Variants in PCDHA9 observed in about 807,000 individuals in gnomAD.
PCDHA9 encodes the protein protocadherin alpha 9, also known as protocadherin alpha-9.
In PCDHA9, 62 loss-of-function variants were observed where a neutral mutation model predicts 62.0. That is an observed-to-expected ratio of 1.00 (90% confidence interval 0.81 to 1.23). The LOEUF (loss-of-function observed/expected upper bound fraction) is 1.23. PCDHA9 is among the 50% of genes most tolerant of loss of function. The probability of loss-of-function intolerance (pLI) is 0.00; values close to 1 mark genes in which losing one functional copy is unlikely to be tolerated. For missense variants in PCDHA9, 1,205 were observed against 1,249.8 expected (o/e 0.96, Z 0.54); for synonymous variants, 557 against 567.6 (o/e 0.98, Z 0.27).
At chr5:141,000,393 C>CTATAAATATA (rs1563650230) in intron 3 of PCDHA9, among the ~76,000 whole-genome samples, 1 of 52,856 alleles carries the variant, frequency 1.9e-5, no homozygotes, top group African/African-American at 9.2e-5. Flanking sequence ...CTCTCTCTCT[C>CTATAAATATA]TCTATATATA....
Position 140,856,423 on chromosome 5 carries a change from T to C in PCDHA9, c.2394+5534T>C, listed in dbSNP as rs1266159746. 5 of 1,598,178 alleles carry C rather than the reference T, an allele frequency of 3.1e-6. 1 individual carries two copies. In the African/African-American group the frequency reaches 4.0e-5, roughly 13 times the overall value. On this transcript the variant is annotated intron_variant, in intron 1 of 3. Transcript: ENST00000532602. ...ATGTGGACGTGGAAGTGAAGGACAT[T>C]AACGACAACCCGCCCAGGTTCTCCG...
intron 1 of PCDHA9, chr5:140,858,779 C>T (rs771428982): frequency 5.0e-6 from 2 of 403,886 alleles, no homozygotes; most frequent in Non-Finnish European, 9.0e-6. Flanking sequence ...ATTAGTACTT[C>T]ATGTTATTTC....
At chr5:140,863,444 G>T in intron 1 of PCDHA9, 4 of 585,532 alleles carry the variant, frequency 6.8e-6, no homozygotes, top group South Asian at 1.4e-5. Flanking sequence ...GGTCTTACTC[G>T]CAGCAAAGGA....
intron 1 of PCDHA9, among the ~76,000 whole-genome samples, chr5:140,913,854 A>G: frequency 6.6e-6 from 1 of 152,128 alleles, no homozygotes; most frequent in Middle Eastern, 3.2e-3. Context: ...ATTCAGGAGC[A>G]TATTGTTTAA....
chr5:140,856,036 A>T (rs1554148102), intron 1 of PCDHA9: 1 of 1,567,408 alleles, frequency 6.4e-7, no homozygotes, highest in African/African-American at 1.4e-5. Context: ...TTGTAAAACA[A>T]GAGAAGGATA....
intron 1 of PCDHA9, chr5:140,875,958 C>T (rs1312300687): frequency 1.2e-6 from 2 of 1,613,962 alleles, no homozygotes; most frequent in Admixed American, 3.3e-5. Context: ...ATGCGGATAT[C>T]GGCGTAAACT....
Position 141,010,239 on chromosome 5 carries a change from G to A in PCDHA9, c.*302G>A. ...AGGCTTCCCAGCCCCGCCAGTGAGA[G>A]GTTGGACTCTCTGCCCTGTGCTCCG... On this transcript the variant is annotated 3_prime_UTR_variant, in exon 4 of 4. Transcript: ENST00000532602. 1 of 1,551,938 alleles carries A rather than the reference G, an allele frequency of 6.4e-7. No homozygotes were observed. Among genetic ancestry groups the A allele is most frequent in the Non-Finnish European group, 8.7e-7 (1 of 1,147,044 alleles).
intron 1 of PCDHA9, chr5:140,863,175 C>T (rs1562576204): frequency 1.4e-6 from 1 of 718,568 alleles, no homozygotes; most frequent in South Asian, 1.3e-5. Context: ...CGCTGACTGC[C>T]ACCGTCACCG....
At chr5:140,967,141 G>T in intron 1 of PCDHA9, 2 of 1,611,258 alleles carry the variant, frequency 1.2e-6, no homozygotes, top group South Asian at 1.1e-5. Flanking sequence ...AAGTGCTGGC[G>T]CACAACCCCG....
rs1412430465 is a variant in PCDHA9 at position 141,010,516 on chromosome 5, A to C, written c.*579A>C. On this transcript the variant is annotated 3_prime_UTR_variant, in exon 4 of 4. Transcript: ENST00000532602. ...CCAGACTTTCTAAATCTTACAACTC[A>C]AGAGGTGGCAGCCACCCTCTAGGAG... 4.2e-6 allele frequency: 2 copies of C among 477,698 alleles called. No individual in the cohort carries two copies. The highest frequency in any genetic ancestry group is 7.8e-5 in the Admixed American group (2 of 25,754). The allele number at this position is 477,698 out of a possible 1,614,324, so 29.6% of individuals were successfully genotyped here.
chr5:140,872,756 A>G (rs987230878), intron 1 of PCDHA9, among the ~76,000 whole-genome samples: 1 of 152,342 alleles, frequency 6.6e-6, no homozygotes, highest in East Asian at 1.9e-4. Context: ...AAAGACATGC[A>G]TATAGGGCTA....
chr5:140,938,977 A>C (rs1205824371), intron 1 of PCDHA9, among the ~76,000 whole-genome samples: 1 of 152,190 alleles, frequency 6.6e-6, no homozygotes, highest in Admixed American at 6.5e-5. Flanking sequence ...CATCAAGGCT[A>C]TCCTGGCTTT....
chr5:141,003,406 G>A (rs2098122557), intron 3 of PCDHA9, among the ~76,000 whole-genome samples: 1 of 152,134 alleles, frequency 6.6e-6, no homozygotes, highest in African/African-American at 2.4e-5. Flanking sequence ...CCGCCTCCCG[G>A]GTTCGAGTGA....
intron 1 of PCDHA9, chr5:140,927,172 G>T: frequency 1.2e-6 from 2 of 1,614,152 alleles, no homozygotes; most frequent in Non-Finnish European, 1.7e-6. Flanking sequence ...AGCTGCCTGC[G>T]TCTTGACCTA....
Position 141,010,021 on chromosome 5 carries a change from T to C in PCDHA9, c.*84T>C. 1 of 1,572,108 alleles carries C rather than the reference T, an allele frequency of 6.4e-7. No individual in the cohort carries two copies. The highest frequency in any genetic ancestry group is 1.9e-5 in the Admixed American group (1 of 52,756). On this transcript the variant is annotated 3_prime_UTR_variant, in exon 4 of 4. Coordinates refer to ENST00000532602, the MANE Select transcript of PCDHA9 (RefSeq NM_031857.2). ...CATGTAGCAATTCCCTGCTCCTTTTTCCTATCTACATGAGCCCTCTTAGAG... is the reference window on the plus strand; with the variant it reads ...CATGTAGCAATTCCCTGCTCCTTTTCCCTATCTACATGAGCCCTCTTAGAG...
intron 1 of PCDHA9, among the ~76,000 whole-genome samples, chr5:140,909,761 TC>T (rs1308608657): frequency 1.3e-5 from 2 of 152,052 alleles, no homozygotes; most frequent in Admixed American, 6.5e-5. Context: ...ACAGGATGAG[TC>T]CAGGGACCCA....
chr5:140,850,319 A>C lies in PCDHA9; in HGVS notation c.1824A>C (p.Ser608=), dbSNP rs2150479368. The C allele has an allele frequency of 6.3e-7, 1 of 1,597,562 alleles. No individual in the cohort carries two copies. The highest frequency in any genetic ancestry group is 2.2e-5 in the East Asian group (1 of 44,822). ...DADSGYNAWL[S]YELQPETASA... The stretch of plus-strand genomic sequence containing the variant: ...ACTCGGGCTACAACGCGTGGCTTTC[A>C]TACGAGCTGCAGCCAGAAACGGCCA... The change falls in exon 1 of 4, where the codon TCA becomes TCC. Residue 608 remains serine (S), a synonymous_variant. Coordinates refer to ENST00000532602, the MANE Select transcript of PCDHA9 (RefSeq NM_031857.2).
At position 140,877,496 on chromosome 5, in the gene PCDHA9, C is replaced by T. The variant is rs563591404; in HGVS notation, c.2394+26607C>T. On this transcript the variant is annotated intron_variant, in intron 1 of 3. Transcript: ENST00000532602. ...GTGTCGCTGGTGGAGAACGGCCAGG[C>T]CCCAAAGACGTCGTCGCGGGCCTCA... 24 of 1,613,862 alleles carry T rather than the reference C, an allele frequency of 1.5e-5. No individual in the cohort carries two copies. In the East Asian group the frequency reaches 4.9e-4, roughly 33 times the overall value.
At chr5:140,985,044 T>G (rs183944640) in intron 3 of PCDHA9, among the ~76,000 whole-genome samples, 1 of 152,158 alleles carries the variant, frequency 6.6e-6, no homozygotes, top group Admixed American at 6.5e-5. Flanking sequence ...TTCAAGTGAT[T>G]CTCCTGCCTC....
Sources: gnomAD v4.1 joint callset for allele counts (sites outside exome capture counted in the v4.1 genomes callset) on GRCh38, gnomAD v4.1.1 for gene constraint, MANE v1.5 for transcripts, NCBI Gene and HGNC (gene_info 2026-07-23, HGNC 2026-07-21) for gene names.